The following GPC5 variants were observed in gnomAD, a reference collection of about 807,000 sequenced individuals.
GPC5 encodes glypican 5.
A neutral mutation model predicts 53.9 loss-of-function variants in GPC5; 47 were observed. The ratio of observed to expected loss-of-function variants is 0.87; its 90% CI spans 0.69 to 1.11. The LOEUF is 1.11. Among genes scored for constraint, GPC5 ranks in the 50% most tolerant of loss-of-function variants. The pLI is 0.00. For synonymous variants in GPC5, 286 were observed against 263.3 expected (o/e 1.09, Z -0.84); for missense variants, 748 against 713.1 (o/e 1.05, Z -0.56).
chr13:92,750,322 T>C (rs1889351789), intron 7 of GPC5, among the ~76,000 whole-genome samples: 1 of 152,186 alleles, frequency 6.6e-6, no homozygotes, highest in African/African-American at 2.4e-5. Context: ...TTTTGTCTTG[T>C]CTCTCTTGAT....
At chr13:92,717,973 A>G (rs1466617179) in intron 7 of GPC5, among the ~76,000 whole-genome samples, 1 of 152,162 alleles carries the variant, frequency 6.6e-6, no homozygotes, top group Non-Finnish European at 1.5e-5. Flanking sequence ...CCAATGGCAG[A>G]GAAATGCAAA....
At chr13:92,155,432 C>A (rs79580138) in intron 7 of GPC5, among the ~76,000 whole-genome samples, 7 of 152,128 alleles carry the variant, frequency 4.6e-5, no homozygotes, top group African/African-American at 1.7e-4. Flanking sequence ...GTGTTGGTAG[C>A]TCTGAGTTGG....
chr13:91,528,908 G>T (rs190316937), intron 2 of GPC5, among the ~76,000 whole-genome samples: 105 of 152,242 alleles, frequency 6.9e-4, no homozygotes, highest in Non-Finnish European at 1.3e-3. Context: ...TTACTATCAT[G>T]AGGACAGCAC....
intron 7 of GPC5, among the ~76,000 whole-genome samples, chr13:92,463,995 T>G (rs1217450481): frequency 6.6e-6 from 1 of 152,204 alleles, no homozygotes; most frequent in South Asian, 2.1e-4. Context: ...GAATAGCTAT[T>G]ATATGTTAGG....
At chr13:91,804,133 C>A (rs1211267961) in intron 5 of GPC5, among the ~76,000 whole-genome samples, 1 of 152,160 alleles carries the variant, frequency 6.6e-6, no homozygotes, top group Non-Finnish European at 1.5e-5. Context: ...ATCAACTTGA[C>A]CCTAGGCTTC....
intron 7 of GPC5, among the ~76,000 whole-genome samples, chr13:92,255,105 AT>A (rs994836854): frequency 6.6e-6 from 1 of 152,206 alleles, no homozygotes; most frequent in African/African-American, 2.4e-5. Flanking sequence ...CATAAGTTGT[AT>A]GCAAATACTA....
At chr13:92,787,981 T>A (rs1876319815) in intron 7 of GPC5, among the ~76,000 whole-genome samples, 1 of 151,440 alleles carries the variant, frequency 6.6e-6, no homozygotes, top group Non-Finnish European at 1.5e-5. Flanking sequence ...AGAAAAATAA[T>A]ATTAAAGAAT....
At chr13:91,727,088 C>T (rs565842575) in intron 3 of GPC5, among the ~76,000 whole-genome samples, 1 of 152,332 alleles carries the variant, frequency 6.6e-6, no homozygotes, top group African/African-American at 2.4e-5. Flanking sequence ...TTGCTCTTGT[C>T]ATGTTATATG....
chr13:92,452,476 C>T (rs1878101187), intron 7 of GPC5, among the ~76,000 whole-genome samples: 1 of 152,106 alleles, frequency 6.6e-6, no homozygotes, highest in East Asian at 1.9e-4. Flanking sequence ...AGCTATCCTT[C>T]GAGACCATCA....
intron 6 of GPC5, among the ~76,000 whole-genome samples, chr13:91,974,666 A>G (rs1315511262): frequency 1.3e-5 from 2 of 152,208 alleles, no homozygotes; most frequent in Non-Finnish European, 2.9e-5. Flanking sequence ...GGTAGGAAGA[A>G]TCAATATGGT....
intron 7 of GPC5, among the ~76,000 whole-genome samples, chr13:92,163,989 C>G (rs1465646532): frequency 6.6e-6 from 1 of 152,120 alleles, no homozygotes; most frequent in African/African-American, 2.4e-5. Context: ...AAAAGCCCCT[C>G]ACAAAACCAT....
At chr13:91,845,252 C>T (rs2038835306) in intron 5 of GPC5, among the ~76,000 whole-genome samples, 1 of 151,972 alleles carries the variant, frequency 6.6e-6, no homozygotes, top group Admixed American at 6.6e-5. Flanking sequence ...CTTAGTGTCA[C>T]ATCTTGACAC....
chr13:91,652,942 C>T (rs965592058), intron 2 of GPC5, among the ~76,000 whole-genome samples: 1 of 152,176 alleles, frequency 6.6e-6, no homozygotes, highest in Non-Finnish European at 1.5e-5. Context: ...AGAATATTAT[C>T]TCAAATTCCT....
rs1431286204 is a variant in GPC5 at position 92,639,991 on chromosome 13, A to C, written c.1562-226291A>C. On this transcript the variant is annotated intron_variant, in intron 7 of 7. Coordinates refer to ENST00000377067, the MANE Select transcript of GPC5 (RefSeq NM_004466.6). Reference sequence around the variant, plus strand: ...TTTTTTTTCTCTCTCTCTCTCTCTCACTCTCTCTCACTCTCCCTTCTCCCT... The same window carrying C: ...TTTTTTTTCTCTCTCTCTCTCTCTCCCTCTCTCTCACTCTCCCTTCTCCCT... Among the ~76,000 whole-genome samples, 3 of 146,956 alleles carry C rather than the reference A, an allele frequency of 2.0e-5. No homozygotes were observed. In the Admixed American group the frequency reaches 2.1e-4, roughly 10 times the overall value.
intron 7 of GPC5, among the ~76,000 whole-genome samples, chr13:92,306,497 G>A (rs79096271): frequency 0.015 from 2,275 of 152,252 alleles, 34 homozygotes; most frequent in Non-Finnish European, 0.027. Flanking sequence ...CCCATTGGAG[G>A]CAGCTTAATG....
chr13:91,864,655 C>T (rs75240450), intron 5 of GPC5, among the ~76,000 whole-genome samples: 3,538 of 152,106 alleles, frequency 0.023, 70 homozygotes, highest in African/African-American at 0.036. Flanking sequence ...TTAATTACCA[C>T]TACAACATTA....
intron 1 of GPC5, among the ~76,000 whole-genome samples, chr13:91,433,829 T>C (rs1427826064): frequency 1.3e-5 from 2 of 151,920 alleles, no homozygotes; most frequent in African/African-American, 4.8e-5. Flanking sequence ...AGTGTAAAAG[T>C]GTTCCTATTT....
intron 7 of GPC5, among the ~76,000 whole-genome samples, chr13:92,805,614 T>C (rs1393193100): frequency 6.6e-6 from 1 of 151,942 alleles, no homozygotes; most frequent in East Asian, 1.9e-4. Context: ...ATTATTATTT[T>C]TTTTGTAGAG....
intron 2 of GPC5, among the ~76,000 whole-genome samples, chr13:91,568,031 C>G (rs936959319): frequency 3.3e-5 from 5 of 152,128 alleles, no homozygotes; most frequent in African/African-American, 1.2e-4. Context: ...CCTTCACATG[C>G]TAACACACTC....
Sources: gnomAD v4.1 joint callset for allele counts (sites outside exome capture counted in the v4.1 genomes callset) on GRCh38, gnomAD v4.1.1 for gene constraint, MANE v1.5 for transcripts, NCBI Gene and HGNC (gene_info 2026-07-23, HGNC 2026-07-21) for gene names.